CHL1: variants seen among roughly 807,000 people sequenced by gnomAD.
CHL1 encodes the protein neural cell adhesion molecule L1-like protein.
Under a neutral mutation model 141.9 loss-of-function variants are expected in CHL1, and 96 were observed. The ratio of observed to expected loss-of-function variants is 0.68; its 90% CI spans 0.57 to 0.80. The LOEUF (loss-of-function observed/expected upper bound fraction) is 0.80, where lower values mean the gene tolerates loss of function less well. Ranked by LOEUF, CHL1 falls within the 30% of genes least tolerant of loss-of-function variation. The pLI, the probability that CHL1 is intolerant of heterozygous loss-of-function variation, is 0.00. For missense variants in CHL1, 1,820 were observed against 1,457.2 expected, an observed-to-expected ratio of 1.25 and a Z score of -4.05; for synonymous variants, 613 against 502.2, an observed-to-expected ratio of 1.22 and a Z score of -2.95.
intron 24 of CHL1, among the ~76,000 whole-genome samples, 195 bp from the exon 25 acceptor site, chr3:398,032 A>G (rs546745376): frequency 6.6e-6 from 1 of 152,280 alleles, no homozygotes; most frequent in South Asian, 2.1e-4. Flanking sequence ...CATTGAGTTC[A>G]TTTCATTTAC....
chr3:261,341 G>A (rs1694701380), intron 2 of CHL1, among the ~76,000 whole-genome samples: 1 of 151,992 alleles, frequency 6.6e-6, no homozygotes, highest in Admixed American at 6.6e-5. Flanking sequence ...AAGAAAGAAG[G>A]AAAGAGGAGA....
intron 1 of CHL1, among the ~76,000 whole-genome samples, chr3:208,190 A>G (rs1699603596): frequency 6.6e-6 from 1 of 152,220 alleles, no homozygotes; most frequent in East Asian, 1.9e-4. Flanking sequence ...TGGAGGATTA[A>G]TGAGCTAATA....
At chr3:257,342 C>G (rs455239) in intron 2 of CHL1, among the ~76,000 whole-genome samples, 56,938 of 149,446 alleles carry the variant, frequency 0.38, 11,010 homozygotes, top group South Asian at 0.61. Context: ...TCCTTTTCTT[C>G]TTTTCTTCTT....
chr3:230,526 TG>T (rs1187529793), intron 1 of CHL1, among the ~76,000 whole-genome samples: 7 of 152,058 alleles, frequency 4.6e-5, no homozygotes, highest in Non-Finnish European at 8.8e-5. Flanking sequence ...ACAGAGTGAT[TG>T]GGTTACAATA....
Position 391,712 on chromosome 3 carries a change from T to G in CHL1, c.2829T>G (p.Val943=). Residue 943 remains valine (V), a synonymous_variant, in exon 23 of 28, where the codon GTT becomes GTG. Coordinates refer to ENST00000256509, the MANE Select transcript of CHL1 (RefSeq NM_006614.4). ...EQPTFLKVIK[V]DKDTATLSWG... ...CAACTTTTCTAAAGGTCATCAAAGTTGATAAAGACACTGCCACTTTATCTT... is the reference window on the plus strand; with the variant it reads ...CAACTTTTCTAAAGGTCATCAAAGTGGATAAAGACACTGCCACTTTATCTT... 1.9e-6 allele frequency: 3 copies of G among 1,606,202 alleles called. No individual in the cohort carries two copies. Among genetic ancestry groups the G allele is most frequent in the Admixed American group, 1.7e-5 (1 of 59,284 alleles).
chr3:281,120 T>C (rs1696612802), intron 2 of CHL1, among the ~76,000 whole-genome samples: 1 of 152,202 alleles, frequency 6.6e-6, no homozygotes, highest in African/African-American at 2.4e-5. Context: ...TTCTCCTAAA[T>C]TCTCCTACAA....
intron 1 of CHL1, among the ~76,000 whole-genome samples, chr3:204,768 C>T (rs1699261141): frequency 6.7e-6 from 1 of 149,428 alleles, no homozygotes; most frequent in Non-Finnish European, 1.5e-5. Context: ...GCATTTCCAT[C>T]CTTTCAGAAG....
chr3:205,103 T>TC (rs1553567173), intron 1 of CHL1, among the ~76,000 whole-genome samples: 1 of 49,738 alleles, frequency 2.0e-5, no homozygotes, highest in Non-Finnish European at 4.7e-5. Context: ...TTTCTTTCTT[T>TC]CTTTTTTTTT....
intron 23 of CHL1, among the ~76,000 whole-genome samples, chr3:392,897 TTAAAA>T (rs1708353172): frequency 1.3e-5 from 2 of 152,188 alleles, no homozygotes; most frequent in African/African-American, 2.4e-5. Context: ...CATTGTGCCA[TTAAAA>T]TAAGAAATCT....
chr3:211,406 A>G (rs1699894409), intron 1 of CHL1, among the ~76,000 whole-genome samples: 2 of 152,216 alleles, frequency 1.3e-5, no homozygotes, highest in African/African-American at 2.4e-5. Flanking sequence ...GATAGACAGC[A>G]GTAGAGCTTT....
At chr3:210,969 T>G (rs1474718705) in intron 1 of CHL1, among the ~76,000 whole-genome samples, 2 of 152,200 alleles carry the variant, frequency 1.3e-5, no homozygotes, top group Non-Finnish European at 2.9e-5. Context: ...TTGGCTAAGA[T>G]TCTTTAGCAG....
intron 24 of CHL1, among the ~76,000 whole-genome samples, chr3:396,177 T>G (rs1232849372): frequency 6.6e-6 from 1 of 152,180 alleles, no homozygotes; most frequent in East Asian, 1.9e-4. Flanking sequence ...GAAGAACTAA[T>G]TTCACTGACT....
At chr3:208,155 TTGAC>T (rs750387498) in intron 1 of CHL1, among the ~76,000 whole-genome samples, 3 of 152,190 alleles carry the variant, frequency 2.0e-5, no homozygotes, top group Non-Finnish European at 4.4e-5. Context: ...GAAAGAAACA[TTGAC>T]TGCTGCCTCC....
At chr3:202,200 A>G (rs1699013494) in intron 1 of CHL1, among the ~76,000 whole-genome samples, 1 of 152,172 alleles carries the variant, frequency 6.6e-6, no homozygotes, top group South Asian at 2.1e-4. Flanking sequence ...TCTTGTGGAC[A>G]TTGTATGGGG....
chr3:337,363 T>A (rs4685601), intron 5 of CHL1, among the ~76,000 whole-genome samples: 1 of 100,550 alleles, frequency 9.9e-6, no homozygotes, highest in Non-Finnish European at 2.0e-5. Context: ...GCTAATTTTT[T>A]TATATATATT....
At chr3:224,366 C>G (rs1379591232) in intron 1 of CHL1, among the ~76,000 whole-genome samples, 3 of 152,120 alleles carry the variant, frequency 2.0e-5, no homozygotes, top group Non-Finnish European at 4.4e-5. Context: ...ATATATATCT[C>G]CGCCAAATCT....
intron 1 of CHL1, among the ~76,000 whole-genome samples, chr3:221,802 AC>A (rs1236104370): frequency 6.6e-6 from 1 of 152,220 alleles, no homozygotes; most frequent in African/African-American, 2.4e-5. Flanking sequence ...TAGATGCTAC[AC>A]CTAAACTTAT....
chr3:328,114 C>G (rs893728844), intron 4 of CHL1, 53 bp from the exon 5 acceptor site: 2 of 1,412,194 alleles, frequency 1.4e-6, no homozygotes, highest in East Asian at 2.3e-5. Flanking sequence ...AATAAGTACT[C>G]TAAACATATG....
chr3:391,169 T>C lies in CHL1; in HGVS notation c.2791+10T>C, dbSNP rs1452232764. Reference sequence around the variant, plus strand: ...CAAACACCAGAAGGAGGTGAGAGGATAATGATGTAGAGTCATGTCAAAAAT... The same window carrying C: ...CAAACACCAGAAGGAGGTGAGAGGACAATGATGTAGAGTCATGTCAAAAAT... On this transcript the variant is annotated intron_variant, in intron 22 of 27. Transcript: ENST00000256509. 5 of 1,592,708 alleles carry C rather than the reference T, an allele frequency of 3.1e-6. No homozygotes were observed. Among genetic ancestry groups the C allele is most frequent in the Non-Finnish European group, 4.3e-6 (5 of 1,160,942 alleles).
Sources: gnomAD v4.1 joint callset for allele counts (sites outside exome capture counted in the v4.1 genomes callset) on GRCh38, gnomAD v4.1.1 for gene constraint, MANE v1.5 for transcripts, NCBI Gene and HGNC (gene_info 2026-07-23, HGNC 2026-07-21) for gene names.